PDXDC1: variants seen among roughly 807,000 people sequenced by gnomAD.
PDXDC1 encodes the protein pyridoxal-dependent decarboxylase domain-containing protein 1.
PDXDC1 carries 42 observed loss-of-function variants against 100.1 expected under a neutral mutation model. The observed-to-expected ratio is 0.42, with a 90% confidence interval of 0.33 to 0.54. The LOEUF is 0.54. PDXDC1 is among the 20% of genes least tolerant of loss of function. PDXDC1 has a pLI of 0.10. For missense variants in PDXDC1, 636 were observed against 979.2 expected (o/e 0.65, Z 4.68); for synonymous variants, 260 against 371.7 (o/e 0.70, Z 3.46).
At chr16:15,020,631 G>C (rs1343773212) in intron 12 of PDXDC1, among the ~76,000 whole-genome samples, 1 of 152,096 alleles carries the variant, frequency 6.6e-6, no homozygotes, top group African/African-American at 2.4e-5. Flanking sequence ...GGAGCTTGCA[G>C]TGAGCCGAGA....
At chr16:15,062,139 A>G (rs1361053373) in intron 16 of PDXDC1, among the ~76,000 whole-genome samples, 1 of 152,200 alleles carries the variant, frequency 6.6e-6, no homozygotes, top group Non-Finnish European at 1.5e-5. Context: ...ACATAGCGAG[A>G]CCATGTCTCT....
chr16:15,018,713 G>A, intron 11 of PDXDC1, 127 bp from the exon 12 acceptor site: 1 of 769,302 alleles, frequency 1.3e-6, no homozygotes, highest in Non-Finnish European at 2.1e-6. Context: ...AAGATCACAT[G>A]GATAATGCAA....
intron 12 of PDXDC1, among the ~76,000 whole-genome samples, chr16:15,021,528 C>T (rs1280467025): frequency 6.6e-5 from 10 of 152,282 alleles, no homozygotes; most frequent in Non-Finnish European, 1.3e-4. Flanking sequence ...AGTTTAGAGA[C>T]GACTTGGGCA....
chr16:14,998,518 C>T (rs543932429), intron 3 of PDXDC1, 113 bp downstream of exon 3: 18 of 1,149,510 alleles, frequency 1.6e-5, no homozygotes, highest in Middle Eastern at 4.0e-4. Flanking sequence ...AATCTGGGCT[C>T]GCTGCAACCT....
At chr16:15,026,743 G>A (rs1175908229) in intron 14 of PDXDC1, 37 bp downstream of exon 14, 4 of 1,581,354 alleles carry the variant, frequency 2.5e-6, no homozygotes, top group East Asian at 4.5e-5. Context: ...TTTCATATCT[G>A]TGTTAAAGGC....
At chr16:14,983,596 AAAAG>A (rs1567609117) in intron 1 of PDXDC1, among the ~76,000 whole-genome samples, 1 of 152,158 alleles carries the variant, frequency 6.6e-6, no homozygotes, top group Non-Finnish European at 1.5e-5. Context: ...AAAAAAAAAA[AAAAG>A]CCTTCTCTTT....
chr16:14,982,257 G>T (rs1968163274), intron 1 of PDXDC1, among the ~76,000 whole-genome samples: 1 of 152,308 alleles, frequency 6.6e-6, no homozygotes, highest in Non-Finnish European at 1.5e-5. Context: ...TATTCTCACA[G>T]ACACACTCAA....
chr16:15,129,957 C>T lies in PDXDC1; in HGVS notation c.1400-8922C>T, dbSNP rs201332331. 13,952 of 1,418,822 alleles carry T rather than the reference C, an allele frequency of 9.8e-3. 70 individuals carry two copies. Among genetic ancestry groups the T allele is most frequent in the Middle Eastern group, 0.032 (132 of 4,088 alleles). The allele number at this position is 1,418,822 out of a possible 1,614,324, so 87.9% of individuals were successfully genotyped here. A position where few individuals can be genotyped will look rare whatever the true frequency, so the allele number is the denominator to read the frequency against. Reference sequence around the variant, plus strand: ...CCCCGCTGCCCACAGAAGGGGATGGCGCGGCCCCGGCTGGCATCCAACTGG... The same window carrying T: ...CCCCGCTGCCCACAGAAGGGGATGGTGCGGCCCCGGCTGGCATCCAACTGG... On this transcript the variant is annotated intron_variant, in intron 16 of 16. Transcript: ENST00000535621.
chr16:15,123,049 G>C (rs1347505767), intron 16 of PDXDC1, among the ~76,000 whole-genome samples: 1 of 150,634 alleles, frequency 6.6e-6, no homozygotes, highest in African/African-American at 2.4e-5. Context: ...GCAAGGGAGC[G>C]TGAGGCTTAG....
At chr16:15,145,301 G>A in the PDXDC1 span, among the ~76,000 whole-genome samples, 2 of 152,240 alleles carry the variant, frequency 1.3e-5, no homozygotes, top group Non-Finnish European at 2.9e-5. Flanking sequence ...TCGGCTGTGG[G>A]CACAGCCAAT....
chr16:15,052,354 C>G (rs114959980), intron 16 of PDXDC1, among the ~76,000 whole-genome samples: 28 of 152,312 alleles, frequency 1.8e-4, no homozygotes, highest in African/African-American at 6.5e-4. Flanking sequence ...GGCCTATAGG[C>G]TATACATAAG....
At chr16:15,147,105 G>A in the PDXDC1 span, among the ~76,000 whole-genome samples, 3 of 149,798 alleles carry the variant, frequency 2.0e-5, no homozygotes, top group Non-Finnish European at 3.0e-5. Context: ...GGGGCTGGCA[G>A]GGAGGGAGAG....
chr16:15,094,434 G>C (rs1015202004), intron 16 of PDXDC1: 3 of 608,552 alleles, frequency 4.9e-6, no homozygotes, highest in Admixed American at 3.0e-5. Context: ...GTTCCAGCCA[G>C]CGCTAGTGCG....
intron 16 of PDXDC1, among the ~76,000 whole-genome samples, chr16:15,123,284 C>T (rs983873198): frequency 6.6e-6 from 1 of 152,032 alleles, no homozygotes; most frequent in African/African-American, 2.4e-5. Context: ...CTGGAACCTT[C>T]ACAAACCTGA....
At chr16:15,132,866 C>T (rs1003685848) in intron 16 of PDXDC1, 37 of 1,590,102 alleles carry the variant, frequency 2.3e-5, no homozygotes, top group Middle Eastern at 2.3e-4. Context: ...GTCCAGGGCC[C>T]GCTCGTACTG....
chr16:15,089,786 C>CAAAA lies in PDXDC1; in HGVS notation c.1400-49071_1400-49068dup, dbSNP rs142235345. On this transcript the variant is annotated intron_variant, in intron 16 of 16. Transcript: ENST00000535621. ...CTGCACTCCAGCCTGGGCGACAGAG[C>CAAAA]AAAAAAAAAAAAAAAAAAAAAAAAA... Among the ~76,000 whole-genome samples, 21 of 66,578 alleles carry CAAAA rather than the reference C, an allele frequency of 3.2e-4. 1 individual carries two copies. The highest frequency in any genetic ancestry group is 4.2e-4 in the African/African-American group (6 of 14,354). The allele number at this position is 66,578 out of a possible 152,430, so 43.7% of individuals were successfully genotyped here. A position where few individuals can be genotyped will look rare whatever the true frequency, so the allele number is the denominator to read the frequency against.
intron 18 of PDXDC1, 124 bp downstream of exon 18, chr16:15,033,103 G>A (rs1302685619): frequency 1.1e-5 from 11 of 957,778 alleles, no homozygotes; most frequent in African/African-American, 3.2e-5. Flanking sequence ...GCGAAGATGC[G>A]GTTCTGAGAC....
chr16:15,096,756 C>T (rs951413966), intron 16 of PDXDC1, among the ~76,000 whole-genome samples: 34 of 152,264 alleles, frequency 2.2e-4, no homozygotes, highest in Admixed American at 6.5e-4. Flanking sequence ...GATCATGGCT[C>T]GTTGCAGCCT....
chr16:15,080,451 T>C (rs1264213851), intron 16 of PDXDC1, among the ~76,000 whole-genome samples: 2 of 152,194 alleles, frequency 1.3e-5, no homozygotes, highest in African/African-American at 4.8e-5. Flanking sequence ...ATTTTTCTTT[T>C]AGAGACAGGG....
Sources: gnomAD v4.1 joint callset for allele counts (sites outside exome capture counted in the v4.1 genomes callset) on GRCh38, gnomAD v4.1.1 for gene constraint, MANE v1.5 for transcripts, NCBI Gene and HGNC (gene_info 2026-07-23, HGNC 2026-07-21) for gene names.